NSA2: variants seen among roughly 807,000 people sequenced by gnomAD.
The protein encoded by NSA2 is NSA2 ribosome biogenesis factor.
A neutral mutation model predicts 34.8 loss-of-function variants in NSA2; 18 were observed. The ratio of observed to expected loss-of-function variants is 0.52; its 90% confidence interval spans 0.36 to 0.77. The LOEUF (loss-of-function observed/expected upper bound fraction) is 0.77, where lower values mean the gene tolerates loss of function less well. Among genes scored for constraint, NSA2 ranks in the 30% least tolerant of loss-of-function variants. The pLI is 0.00. For synonymous variants in NSA2, 79 were observed against 100.2 expected (o/e 0.79, Z 1.26); for missense variants, 188 against 314.7 (o/e 0.60, Z 3.05).
chr5:74,776,700 C>G lies in NSA2; in HGVS notation c.*29C>G. The stretch of plus-strand genomic sequence containing the variant: ...CAATTTCATATATAATTATTGAGGA[C>G]TACACACCAATTGAAGAAACTGCCA... On this transcript the variant is annotated 3_prime_UTR_variant, in exon 6 of 6. Transcript: ENST00000610426. 1 of 1,137,172 alleles carries G rather than the reference C, an allele frequency of 8.8e-7. No individual in the cohort carries two copies. Among genetic ancestry groups the G allele is most frequent in the South Asian group, 1.2e-5 (1 of 80,182 alleles). The allele number at this position is 1,137,172 out of a possible 1,614,324, so 70.4% of individuals were successfully genotyped here.
chr5:74,771,276 G>A (rs113898183), intron 4 of NSA2, among the ~76,000 whole-genome samples: 3 of 147,798 alleles, frequency 2.0e-5, no homozygotes, highest in Non-Finnish European at 4.5e-5. Flanking sequence ...GCAAAAATCC[G>A]TCTCAAAAAA....
intron 4 of NSA2, among the ~76,000 whole-genome samples, chr5:74,773,287 C>A (rs1225854344): frequency 1.3e-5 from 2 of 150,934 alleles, no homozygotes; most frequent in Non-Finnish European, 2.9e-5. Context: ...GTGTAGATGA[C>A]TAGACAGTAA....
intron 5 of NSA2, among the ~76,000 whole-genome samples, chr5:74,774,595 C>T (rs1296335953): frequency 2.0e-5 from 3 of 152,036 alleles, no homozygotes; most frequent in Non-Finnish European, 4.4e-5. Flanking sequence ...CAGAGCAAAT[C>T]TCCATCTCAA....
intron 4 of NSA2, among the ~76,000 whole-genome samples, chr5:74,772,900 C>T (rs1414458246): frequency 3.3e-5 from 5 of 152,112 alleles, no homozygotes; most frequent in African/African-American, 4.8e-5. Context: ...AATGTTGTGA[C>T]GTTTAAAGTA....
Position 74,769,285 on chromosome 5 carries a change from C to T in NSA2, c.263C>T (p.Ala88Val). The change falls in exon 3 of 6, where the codon GCC becomes GTC. Residue 88 changes from alanine to valine, a missense_variant. Physicochemically the swap from Ala to Val is moderately conservative, Grantham distance 64. Transcript: ENST00000610426. ...DEKTPQGAVP[A>V]YLLDREGQSR... ...AAGACACCACAGGGAGCAGTACCTG[C>T]CTATCTGCTGGACAGAGAGGGACAA... The T allele has an allele frequency of 1.2e-6, 2 of 1,613,176 alleles. No homozygotes were observed. The highest frequency in any genetic ancestry group is 1.7e-6 in the Non-Finnish European group (2 of 1,179,396).
In NSA2 at chr5:74,776,876, GA is replaced by G; in HGVS notation, c.*212del. ...CCCATGTTCATAAAACTGAATGATTGAAAAAAAGCAAATATACAAATATCCT... is the reference window on the plus strand; with the variant it reads ...CCCATGTTCATAAAACTGAATGATTGAAAAAAGCAAATATACAAATATCCT... On this transcript the variant is annotated 3_prime_UTR_variant, in exon 6 of 6. Coordinates refer to ENST00000610426, the MANE Select transcript of NSA2 (RefSeq NM_014886.6). 1 of 399,052 alleles carries G rather than the reference GA, an allele frequency of 2.5e-6. No homozygotes were observed. Among genetic ancestry groups the G allele is most frequent in the Non-Finnish European group, 4.5e-6 (1 of 220,014 alleles). 24.7% of individuals were successfully genotyped at this position (399,052 alleles called of 1,614,324 possible).
rs145600334 is a variant in NSA2, at chr5:74,770,708, G to C, written c.420G>C (p.Lys140Asn). ...TATTAAAAGTTATTCGAACAGGAAA[G>C]AGAAAGAAGAAGGCATGGAAGAGAA... ...TEVLKVIRTG[K>N]RKKKAWKRMV... is the part of the protein sequence containing the mutation. The change falls in exon 4 of 6, where the codon AAG (lysine) becomes AAC (asparagine). Residue 140 changes from lysine to asparagine, a missense_variant. Lys to Asn is a moderately conservative substitution (Grantham distance 94). Coordinates refer to ENST00000610426, the MANE Select transcript of NSA2 (RefSeq NM_014886.6). The C allele has an allele frequency of 1.2e-6, 2 of 1,613,440 alleles. No homozygotes were observed. The highest frequency in any genetic ancestry group is 2.7e-5 in the African/African-American group (2 of 74,900).
intron 4 of NSA2, among the ~76,000 whole-genome samples, chr5:74,772,574 A>G (rs1363095547): frequency 6.6e-6 from 1 of 152,182 alleles, no homozygotes; most frequent in Non-Finnish European, 1.5e-5. Flanking sequence ...TGGCCTGACA[A>G]AGCCTAAAGT....
At position 74,770,821 on chromosome 5, in the gene NSA2, G is replaced by C; in HGVS notation, c.522+11G>C. The C allele has an allele frequency of 1.9e-6, 3 of 1,561,434 alleles. No individual in the cohort carries two copies. Among genetic ancestry groups the C allele is most frequent in the Non-Finnish European group, 2.6e-6 (3 of 1,156,914 alleles). On this transcript the variant is annotated intron_variant, in intron 4 of 5. Coordinates refer to ENST00000610426, the MANE Select transcript of NSA2 (RefSeq NM_014886.6). ...TTCATCAGGCCAATGGTAAGTCCTT[G>C]GAAGAGTGTAATGACCGAAATGTTA...
In NSA2 at chr5:74,769,370, C is replaced by G. The variant is rs1393314060; in HGVS notation, c.342+6C>G. 6.3e-7 allele frequency: 1 copy of G among 1,587,062 alleles called. No individual in the cohort carries two copies. The highest frequency in any genetic ancestry group is 1.9e-5 in the Admixed American group (1 of 52,090). On this transcript the variant is annotated splice_donor_region_variant and intron_variant, in intron 3 of 5. Transcript: ENST00000610426. ...AGAAAAGAAAAGAGAAGGCGGTAAG[C>G]AATAACAATTGAAGTCTTTGTTTTG...
chr5:74,770,577 A>ATT, intron 3 of NSA2, 54 bp from the exon 4 acceptor site: 1 of 1,335,760 alleles, frequency 7.5e-7, no homozygotes, highest in South Asian at 1.5e-5. Context: ...TATTTGACTT[A>ATT]TTCTCATTGT....
rs962317414 is a variant in NSA2 at position 74,770,642 on chromosome 5, A to G, written c.354A>G (p.Glu118=). 1.9e-6 allele frequency: 3 copies of G among 1,575,980 alleles called. No homozygotes were observed. In the African/African-American group the frequency reaches 4.1e-5, roughly 22 times the overall value. The change falls in exon 4 of 6, where the codon GAA becomes GAG. Residue 118 remains glutamate, a synonymous_variant. Transcript: ENST00000610426. ...QKRKEKAGKW[E]VPLPKVRAQG... The stretch of plus-strand genomic sequence containing the variant: ...TGGCATATTTTTAGGGAAAATGGGA[A>G]GTCCCTCTGCCTAAAGTACGTGCCC...
At chr5:74,771,183 G>A (rs1485270015) in intron 4 of NSA2, among the ~76,000 whole-genome samples, 2 of 151,548 alleles carry the variant, frequency 1.3e-5, no homozygotes, top group African/African-American at 4.9e-5. Flanking sequence ...GGGAGGCTGA[G>A]GCAGGAGAAT....
intron 4 of NSA2, among the ~76,000 whole-genome samples, chr5:74,771,226 G>A (rs1178603399): frequency 1.3e-5 from 2 of 151,448 alleles, no homozygotes; most frequent in East Asian, 3.9e-4. Context: ...GTTGCAGTGA[G>A]CTGAGATCAC....
In NSA2 at chr5:74,777,215, A is replaced by ATTTTT. The variant is rs988087918; in HGVS notation, c.*547_*551dup. 1 of 152,180 alleles carries ATTTTT rather than the reference A, an allele frequency of 6.6e-6. No individual in the cohort carries two copies. The highest frequency in any genetic ancestry group is 1.5e-5 in the Non-Finnish European group (1 of 67,978). The allele number at this position is 152,180 out of a possible 1,614,324, so 9.4% of individuals were successfully genotyped here. A position where few individuals can be genotyped will look rare whatever the true frequency, so the allele number is the denominator to read the frequency against. The stretch of plus-strand genomic sequence containing the variant: ...GGTCTAGTGAATTCACATTCTAAAC[A>ATTTTT]TTTTTTTCATCTCATTTACCATGTA... On this transcript the variant is annotated 3_prime_UTR_variant, in exon 6 of 6. Transcript: ENST00000610426.
intron 4 of NSA2, among the ~76,000 whole-genome samples, 182 bp from the exon 5 acceptor site, chr5:74,773,686 A>G (rs1385609271): frequency 2.6e-5 from 4 of 152,196 alleles, no homozygotes; most frequent in Non-Finnish European, 4.4e-5. Context: ...TTTTCCCCAC[A>G]TATTTATACT....
At chr5:74,770,556 C>A (rs1044601840) in intron 3 of NSA2, 75 bp from the exon 4 acceptor site, 58 of 1,208,700 alleles carry the variant, frequency 4.8e-5, no homozygotes, top group Non-Finnish European at 6.3e-5. Context: ...TTACTTTGTA[C>A]AACTAAAACA....
At chr5:74,774,884 T>G (rs1745060810) in intron 5 of NSA2, among the ~76,000 whole-genome samples, 1 of 152,136 alleles carries the variant, frequency 6.6e-6, no homozygotes, top group Non-Finnish European at 1.5e-5. Context: ...ACCTATTACA[T>G]TTAAAGAAAT....
chr5:74,774,191 T>G, intron 5 of NSA2, 131 bp downstream of exon 5: 1 of 545,664 alleles, frequency 1.8e-6, no homozygotes. Context: ...GTAAATCAGA[T>G]GTAAATATTT....
Sources: allele counts gnomAD v4.1 joint callset (sites outside exome capture counted in the v4.1 genomes callset), GRCh38; gene constraint gnomAD v4.1.1; transcripts MANE v1.5; gene names NCBI Gene and HGNC (gene_info 2026-07-23, HGNC 2026-07-21).